ARHGAP15: variants seen among roughly 807,000 people sequenced by gnomAD.
ARHGAP15 encodes the protein Rho GTPase activating protein 15.
Under a neutral mutation model 63.7 loss-of-function variants are expected in ARHGAP15, and 51 were observed. That is an observed-to-expected ratio of 0.80 (90% CI 0.64 to 1.01). ARHGAP15 has a LOEUF of 1.01. ARHGAP15 is among the 50% of genes least tolerant of loss of function. The pLI is 0.00. For synonymous variants in ARHGAP15, 191 were observed against 193.8 expected, an observed-to-expected ratio of 0.99 and a Z score of 0.12; for missense variants, 560 against 564.6, an observed-to-expected ratio of 0.99 and a Z score of 0.08.
intron 13 of ARHGAP15, among the ~76,000 whole-genome samples, chr2:143,740,791 G>C (rs1685933546): frequency 6.6e-6 from 1 of 152,094 alleles, no homozygotes; most frequent in African/African-American, 2.4e-5. Context: ...GAGAAACACA[G>C]GATCTACTCA....
Position 143,597,656 on chromosome 2 carries a change from T to TTTTTTTGTTA in ARHGAP15, c.1004-26477_1004-26476insTTTTTTGTTA, listed in dbSNP as rs1418287384. ...GAAAGTAACTGTTTTGTTAAGTAAA[T>TTTTTTTGTTA]AGCATTTACTCACATGAGAAAATAA... On this transcript the variant is annotated intron_variant, in intron 11 of 13. Coordinates refer to ENST00000295095, the MANE Select transcript of ARHGAP15 (RefSeq NM_018460.4). Among the ~76,000 whole-genome samples the TTTTTTTGTTA allele has an allele frequency of 4.3e-4, 66 of 152,270 alleles. No homozygotes were observed. The East Asian group carries it at 0.012, about 28-fold the overall frequency.
At chr2:143,681,264 A>T (rs1683088239) in intron 12 of ARHGAP15, among the ~76,000 whole-genome samples, 1 of 152,194 alleles carries the variant, frequency 6.6e-6, no homozygotes, top group African/African-American at 2.4e-5. Flanking sequence ...TTAAGTATGC[A>T]GTTCAATGTG....
At chr2:143,540,453 G>A (rs1694994005) in intron 10 of ARHGAP15, among the ~76,000 whole-genome samples, 1 of 152,042 alleles carries the variant, frequency 6.6e-6, no homozygotes, top group South Asian at 2.1e-4. Context: ...GTTAGTTGAT[G>A]CAGTTTCTTC....
chr2:143,443,845 T>C (rs1466498334), intron 8 of ARHGAP15, among the ~76,000 whole-genome samples: 1 of 152,196 alleles, frequency 6.6e-6, no homozygotes, highest in Non-Finnish European at 1.5e-5. Context: ...TTCTGACATA[T>C]GTTCCCAAGC....
At chr2:143,484,548 T>C (rs1692233598) in intron 8 of ARHGAP15, among the ~76,000 whole-genome samples, 1 of 151,840 alleles carries the variant, frequency 6.6e-6, no homozygotes, top group Non-Finnish European at 1.5e-5. Flanking sequence ...AATGAATAAA[T>C]AATAAAAATA....
rs1691484263 is a variant in ARHGAP15, at chr2:143,187,161, A to T, written c.166-14973A>T. On this transcript the variant is annotated intron_variant, in intron 2 of 13. Coordinates refer to ENST00000295095, the MANE Select transcript of ARHGAP15 (RefSeq NM_018460.4). Reference sequence around the variant, plus strand: ...ATAATAGCATGAATTTTTTTTTCTGATATGGTGCGAAAGCAAATGTAAGCA... The same window carrying T: ...ATAATAGCATGAATTTTTTTTTCTGTTATGGTGCGAAAGCAAATGTAAGCA... Among the ~76,000 whole-genome samples the T allele has an allele frequency of 2.0e-5, 3 of 152,032 alleles. No individual in the cohort carries two copies. The South Asian group carries it at 6.2e-4, about 31-fold the overall frequency.
chr2:143,143,316 G>A (rs1390161249), intron 1 of ARHGAP15, among the ~76,000 whole-genome samples: 1 of 152,054 alleles, frequency 6.6e-6, no homozygotes, highest in East Asian at 1.9e-4. Context: ...CTAGAAAGAA[G>A]AGGATACATT....
At chr2:143,661,364 T>A (rs1050637781) in intron 12 of ARHGAP15, among the ~76,000 whole-genome samples, 1 of 152,200 alleles carries the variant, frequency 6.6e-6, no homozygotes, top group Non-Finnish European at 1.5e-5. Context: ...ATTGCTTACA[T>A]GATAAACACT....
intron 13 of ARHGAP15, chr2:143,706,685 C>G (rs1469105097): frequency 1.3e-5 from 2 of 152,182 alleles, no homozygotes; most frequent in Admixed American, 1.3e-4. Context: ...TGACTAGTCT[C>G]AGAGTCCAGA....
chr2:143,379,480 CAT>C (rs758477926), intron 6 of ARHGAP15, among the ~76,000 whole-genome samples: 9,774 of 97,382 alleles, frequency 0.1, 409 homozygotes, highest in African/African-American at 0.12. Context: ...GGTTTTTAGG[CAT>C]ATATATGTGT....
chr2:143,142,665 C>G (rs1356754159), intron 1 of ARHGAP15, among the ~76,000 whole-genome samples: 1 of 152,026 alleles, frequency 6.6e-6, no homozygotes, highest in Non-Finnish European at 1.5e-5. Flanking sequence ...GGTTTGCATA[C>G]CTTGTGTTGT....
intron 6 of ARHGAP15, among the ~76,000 whole-genome samples, chr2:143,382,627 CA>C (rs1361583762): frequency 2.6e-5 from 4 of 152,136 alleles, no homozygotes; most frequent in Non-Finnish European, 5.9e-5. Flanking sequence ...AGGACTTTAA[CA>C]TATCTTTTCT....
At chr2:143,428,567 T>C (rs1384852714) in intron 6 of ARHGAP15, among the ~76,000 whole-genome samples, 2 of 152,112 alleles carry the variant, frequency 1.3e-5, no homozygotes, top group East Asian at 1.9e-4. Context: ...TGAGAGATGA[T>C]GGTAGTATAT....
chr2:143,472,496 T>C (rs77230050), intron 8 of ARHGAP15, among the ~76,000 whole-genome samples: 10,972 of 152,178 alleles, frequency 0.072, 597 homozygotes, highest in East Asian at 0.22. Context: ...GAACATGACT[T>C]TTTAATGAGA....
At chr2:143,360,890 C>G (rs1686021615) in intron 6 of ARHGAP15, among the ~76,000 whole-genome samples, 1 of 152,146 alleles carries the variant, frequency 6.6e-6, no homozygotes, top group Non-Finnish European at 1.5e-5. Flanking sequence ...GTTTTATGTT[C>G]TAAATTTCTC....
In ARHGAP15 at chr2:143,389,136, T is replaced by TATTA. The variant is rs57960431; in HGVS notation, c.475-46465_475-46464insATTA. On this transcript the variant is annotated intron_variant, in intron 6 of 13. Coordinates refer to ENST00000295095, the MANE Select transcript of ARHGAP15 (RefSeq NM_018460.4). ...TTATTATTATTATTATTATTATTAT[T>TATTA]TTTTATTATTATTATTTTACAAATT... 1.1e-3 allele frequency among the ~76,000 whole-genome samples: 168 copies of TATTA among 149,194 alleles called. 1 individual carries two copies. The highest frequency in any genetic ancestry group is 4.0e-3 in the African/African-American group (162 of 40,912).
intron 13 of ARHGAP15, among the ~76,000 whole-genome samples, chr2:143,755,574 C>T (rs1358451881): frequency 1.3e-5 from 2 of 152,128 alleles, no homozygotes; most frequent in African/African-American, 4.8e-5. Context: ...CCCCTGCTAA[C>T]CAAACACCTT....
Position 143,557,046 on chromosome 2 carries a change from G to A in ARHGAP15, c.1003+561G>A, listed in dbSNP as rs149002254. On this transcript the variant is annotated intron_variant, in intron 11 of 13. Coordinates refer to ENST00000295095, the MANE Select transcript of ARHGAP15 (RefSeq NM_018460.4). ...ACAGGAACTCTCATTCATTGCTGGC[G>A]GAAGTGCGAAATGATTGAGTCACTT... 2.5e-4 allele frequency among the ~76,000 whole-genome samples: 38 copies of A among 152,116 alleles called. 1 individual carries two copies. In the East Asian group the frequency reaches 3.7e-3, roughly 15 times the overall value.
chr2:143,392,633 C>CT (rs1305723634), intron 6 of ARHGAP15, among the ~76,000 whole-genome samples: 3 of 152,078 alleles, frequency 2.0e-5, no homozygotes, highest in African/African-American at 7.2e-5. Flanking sequence ...GTTTCAGCAG[C>CT]TTGAAGTAAT....
Sources: gnomAD v4.1 joint callset for allele counts (sites outside exome capture counted in the v4.1 genomes callset) on GRCh38, gnomAD v4.1.1 for gene constraint, MANE v1.5 for transcripts, NCBI Gene and HGNC (gene_info 2026-07-23, HGNC 2026-07-21) for gene names.